MYT1L: variants seen among roughly 807,000 people sequenced by gnomAD.
MYT1L encodes the protein myelin transcription factor 1 like.
MYT1L carries 12 observed loss-of-function variants against 126.7 expected under a neutral mutation model. The ratio of observed to expected loss-of-function variants is 0.09; its 90% CI spans 0.06 to 0.15. MYT1L has a LOEUF of 0.15. Ranked by LOEUF, MYT1L falls within the 10% of genes least tolerant of loss-of-function variation. MYT1L has a pLI of 1.00. For missense variants in MYT1L, 979 were observed against 1,585.2 expected, an observed-to-expected ratio of 0.62 and a Z score of 6.49; for synonymous variants, 541 against 604.2, an observed-to-expected ratio of 0.90 and a Z score of 1.53.
rs1316416056 is a variant in MYT1L, at chr2:1,840,896, C to CTTT, written c.2775-56_2775-54dup. The CTTT allele has an allele frequency of 3.1e-5, 30 of 962,494 alleles. No homozygotes were observed. In the African/African-American group the frequency reaches 5.3e-4, roughly 17 times the overall value. 59.6% of individuals were successfully genotyped at this position (962,494 alleles called of 1,614,324 possible). ...ACCCCACACCGTTGATTTCAGTGAG[C>CTTT]TTTCTTTCTTTTTTTTTTTTTTTTT... is the stretch of plus-strand genomic sequence containing the variant. On this transcript the variant is annotated intron_variant, in intron 19 of 24. Transcript: ENST00000647738.
At chr2:2,018,840 G>A (rs1319498170) in intron 4 of MYT1L, among the ~76,000 whole-genome samples, 6 of 152,084 alleles carry the variant, frequency 3.9e-5, no homozygotes, top group African/African-American at 1.4e-4. Context: ...CCTACATTTC[G>A]TTTTTGAGTT....
intron 18 of MYT1L, among the ~76,000 whole-genome samples, chr2:1,881,353 TTC>T (rs1288740121): frequency 5.3e-5 from 7 of 132,664 alleles, no homozygotes; most frequent in African/African-American, 2.0e-4. Flanking sequence ...GGTTTGCAGG[TTC>T]GTGTGTGTGT....
intron 4 of MYT1L, among the ~76,000 whole-genome samples, chr2:2,021,474 G>A (rs1055902434): frequency 6.6e-6 from 1 of 152,176 alleles, no homozygotes; most frequent in Non-Finnish European, 1.5e-5. Flanking sequence ...GAAAATAGGT[G>A]GTGAGGAGTG....
chr2:2,207,395 G>A (rs941010953), intron 2 of MYT1L, among the ~76,000 whole-genome samples: 12 of 152,248 alleles, frequency 7.9e-5, no homozygotes, highest in African/African-American at 2.9e-4. Context: ...GTAAAAGACA[G>A]AAGCGTCCAG....
intron 19 of MYT1L, among the ~76,000 whole-genome samples, chr2:1,845,508 G>A (rs566665052): frequency 5.9e-5 from 9 of 152,048 alleles, no homozygotes; most frequent in Middle Eastern, 3.2e-3. Context: ...CTGCATCCCA[G>A]GCCCTCCCTC....
chr2:2,116,992 C>G (rs1404895222), intron 3 of MYT1L, among the ~76,000 whole-genome samples: 3 of 152,208 alleles, frequency 2.0e-5, no homozygotes, highest in African/African-American at 4.8e-5. Context: ...AGTGGGAGAG[C>G]TATGAGAAAG....
intron 2 of MYT1L, among the ~76,000 whole-genome samples, chr2:2,176,752 G>A (rs1322622561): frequency 1.3e-5 from 2 of 152,078 alleles, no homozygotes; most frequent in African/African-American, 4.8e-5. Flanking sequence ...GCCTGCCTCG[G>A]CCTCCCAAAG....
At chr2:2,243,393 G>A (rs538957205) in intron 2 of MYT1L, among the ~76,000 whole-genome samples, 2 of 152,184 alleles carry the variant, frequency 1.3e-5, no homozygotes, top group South Asian at 2.1e-4. Context: ...TATTTACATC[G>A]GACTATACCT....
At chr2:2,181,193 A>ATGTGTGCCGTGTACCTGTG (rs2091468955) in intron 2 of MYT1L, among the ~76,000 whole-genome samples, 1 of 141,064 alleles carries the variant, frequency 7.1e-6, no homozygotes, top group African/African-American at 2.7e-5. Flanking sequence ...CCTATGATCT[A>ATGTGTGCCGTGTACCTGTG]TGTGTGCCGT....
At chr2:1,867,134 A>G (rs973140440) in intron 18 of MYT1L, among the ~76,000 whole-genome samples, 50 of 152,104 alleles carry the variant, frequency 3.3e-4, no homozygotes, top group African/African-American at 1.1e-3. Flanking sequence ...TGCTCACAGC[A>G]AGCACAGAGT....
chr2:2,047,672 T>G (rs891861991), intron 4 of MYT1L, among the ~76,000 whole-genome samples: 1 of 152,222 alleles, frequency 6.6e-6, no homozygotes, highest in South Asian at 2.1e-4. Context: ...AGAAGGATGA[T>G]TGATCTAAGC....
chr2:1,892,824 C>T (rs576431770), intron 14 of MYT1L, among the ~76,000 whole-genome samples: 1 of 152,354 alleles, frequency 6.6e-6, no homozygotes, highest in East Asian at 1.9e-4. Context: ...CCGGCAGCCA[C>T]CTTCTGGGCC....
intron 3 of MYT1L, among the ~76,000 whole-genome samples, chr2:2,087,547 G>A (rs2076479758): frequency 6.6e-6 from 1 of 152,168 alleles, no homozygotes. Flanking sequence ...TTAATTAACA[G>A]AAACATCTCA....
At chr2:2,229,590 G>A (rs954689052) in intron 2 of MYT1L, among the ~76,000 whole-genome samples, 1 of 149,070 alleles carries the variant, frequency 6.7e-6, no homozygotes, top group African/African-American at 2.5e-5. Context: ...CACAGGTGGA[G>A]ATTTCTTTTT....
intron 4 of MYT1L, among the ~76,000 whole-genome samples, chr2:2,002,302 T>C (rs1004704862): frequency 6.6e-6 from 1 of 152,218 alleles, no homozygotes; most frequent in Non-Finnish European, 1.5e-5. Context: ...GCAGCCTGCC[T>C]TGACCTCTTC....
intron 3 of MYT1L, among the ~76,000 whole-genome samples, chr2:2,068,769 GTTTTTTTT>G (rs55838351): frequency 1.1e-4 from 3 of 26,180 alleles, no homozygotes; most frequent in African/African-American, 3.3e-4. Flanking sequence ...TGTTCTTCTT[GTTTTTTTT>G]TTTTTTTTTT....
chr2:1,877,526 A>T (rs1573130945), intron 18 of MYT1L, among the ~76,000 whole-genome samples: 1 of 152,324 alleles, frequency 6.6e-6, no homozygotes, highest in East Asian at 1.9e-4. Flanking sequence ...CATTTGTGCC[A>T]GAAGCAGGTG....
chr2:1,887,354 G>A lies in MYT1L; in HGVS notation c.2642+134C>T. ...GTTAGCTGCTCACTCTACTGACCCAGCAGTCGGAAACATTTATATGCTGCG... is the reference window on the plus strand; with the variant it reads ...GTTAGCTGCTCACTCTACTGACCCAACAGTCGGAAACATTTATATGCTGCG... On this transcript the variant is annotated intron_variant, in intron 17 of 24. Transcript: ENST00000647738. This position sits in a 1 kb window ranked among gnomAD's most constrained non-coding sequence, Gnocchi z 4.8. The A allele has an allele frequency of 8.6e-7, 1 of 1,163,540 alleles. No homozygotes were observed. Among genetic ancestry groups the A allele is most frequent in the South Asian group, 1.5e-5 (1 of 67,788 alleles). The allele number at this position is 1,163,540 out of a possible 1,614,324, so 72.1% of individuals were successfully genotyped here.
chr2:2,132,144 T>C (rs2082451081), intron 3 of MYT1L, among the ~76,000 whole-genome samples: 3 of 141,360 alleles, frequency 2.1e-5, no homozygotes. Flanking sequence ...CCTGATCTCA[T>C]GATCTGCCCA....
Sources: allele counts gnomAD v4.1 joint callset (sites outside exome capture counted in the v4.1 genomes callset), GRCh38; gene constraint gnomAD v4.1.1; non-coding constraint Gnocchi (gnomAD v3.1); transcripts MANE v1.5; gene names NCBI Gene and HGNC (gene_info 2026-07-23, HGNC 2026-07-21).